Variants in PRRT1B observed in about 807,000 individuals in gnomAD.
PRRT1B encodes the protein proline rich transmembrane protein 1B, also known as dispanin subfamily D member 2.
At chr9:131,554,473 CTTGG>C (rs1458600090) in intron 1 of PRRT1B, 80 bp from the exon 2 acceptor site, 19 of 366,050 alleles carry the variant, frequency 5.2e-5, no homozygotes, top group African/African-American at 4.0e-4. Context: ...GGGCTGGGAG[CTTGG>C]TTCGTGGGAA....
At chr9:131,555,087 G>T in intron 2 of PRRT1B, 58 bp downstream of exon 2, 1 of 210,900 alleles carries the variant, frequency 4.7e-6, no homozygotes, top group Non-Finnish European at 7.8e-6. Flanking sequence ...GTGGTCGGGG[G>T]CGCCCGTGCG....
At chr9:131,547,738 C>T (rs569924056) in intron 1 of PRRT1B, among the ~76,000 whole-genome samples, 1 of 152,284 alleles carries the variant, frequency 6.6e-6, no homozygotes, top group Non-Finnish European at 1.5e-5. Context: ...GACCAACCAG[C>T]CCAAGGAACA....
At position 131,556,050 on chromosome 9, in the gene PRRT1B, CTGTGGCTCT is replaced by C; in HGVS notation, c.499-19_499-11del. On this transcript the variant is annotated splice_polypyrimidine_tract_variant and intron_variant, in intron 2 of 3. Coordinates refer to ENST00000636672, the Ensembl canonical transcript of PRRT1B. ...AGAGGCTGGGCCAGCTCCCTCACCA[CTGTGGCTCT>C]GCCCCCACAGTACAATGGCCCGATG... is the stretch of plus-strand genomic sequence containing the variant. The C allele has an allele frequency of 2.5e-6, 1 of 400,804 alleles. No individual in the cohort carries two copies. The highest frequency in any genetic ancestry group is 4.4e-6 in the Non-Finnish European group (1 of 226,392). The allele number at this position is 400,804 out of a possible 1,614,324, so 24.8% of individuals were successfully genotyped here. A position where few individuals can be genotyped will look rare whatever the true frequency, so the allele number is the denominator to read the frequency against.
intron 1 of PRRT1B, among the ~76,000 whole-genome samples, 169 bp from the exon 2 acceptor site, chr9:131,554,388 C>T (rs1157745987): frequency 6.6e-6 from 1 of 152,178 alleles, no homozygotes; most frequent in Admixed American, 6.5e-5. Flanking sequence ...TGTGTGACTC[C>T]AGCAAGGCAG....
chr9:131,554,491 C>T, intron 1 of PRRT1B, 66 bp from the exon 2 acceptor site: 1 of 370,060 alleles, frequency 2.7e-6, no homozygotes, highest in Non-Finnish European at 4.8e-6. Context: ...GTGGGAACTG[C>T]GGGACCAGCG....
chr9:131,556,211 G>A (rs1364663502), exon 3 of PRRT1B: 9 of 400,414 alleles, frequency 2.2e-5, no homozygotes, highest in Non-Finnish European at 4.0e-5. Context: ...CTACTCCCAC[G>A]AGGTAGGTGC....
At chr9:131,553,337 G>T (rs1158239371) in intron 1 of PRRT1B, among the ~76,000 whole-genome samples, 1 of 152,214 alleles carries the variant, frequency 6.6e-6, no homozygotes, top group East Asian at 1.9e-4. Flanking sequence ...TAAAGCTTCT[G>T]CTTACAAAAT....
chr9:131,554,524 C>T, intron 1 of PRRT1B, 33 bp from the exon 2 acceptor site: 1 of 389,810 alleles, frequency 2.6e-6, no homozygotes. Flanking sequence ...GCCCGGCGGC[C>T]TCTTGCTCAC....
chr9:131,559,170 G>C (rs954951060), downstream of PRRT1B, among the ~76,000 whole-genome samples: 1 of 152,196 alleles, frequency 6.6e-6, no homozygotes, highest in Non-Finnish European at 1.5e-5. Context: ...GAGGCCAGGC[G>C]AGGTGGCTCA....
Position 131,547,065 on chromosome 9 carries a change from C to CTTTTTTTTTTTT in PRRT1B, c.25+1438_25+1449dup, listed in dbSNP as rs549825970. Among the ~76,000 whole-genome samples the CTTTTTTTTTTTT allele has an allele frequency of 5.5e-4, 55 of 100,766 alleles. 5 individuals carry two copies. Among genetic ancestry groups the CTTTTTTTTTTTT allele is most frequent in the African/African-American group, 2.2e-3 (46 of 20,494 alleles). The allele number at this position is 100,766 out of a possible 152,430, so 66.1% of individuals were successfully genotyped here. On this transcript the variant is annotated intron_variant, in intron 1 of 3. Transcript: ENST00000636672. The stretch of plus-strand genomic sequence containing the variant: ...AGAGCAGAGCCTGGCCTCCTGTTCG[C>CTTTTTTTTTTTT]TTTTTTTTTTTTTTTTTTTTTTTTG...
At chr9:131,549,759 A>G in intron 1 of PRRT1B, among the ~76,000 whole-genome samples, 1 of 150,594 alleles carries the variant, frequency 6.6e-6, no homozygotes, top group Non-Finnish European at 1.5e-5. Flanking sequence ...ACCTCTTAAA[A>G]CTCCCCAACT....
At position 131,551,068 on chromosome 9, in the gene PRRT1B, G is replaced by A. The variant is rs1227668108; in HGVS notation, c.26-3489G>A. Reference sequence around the variant, plus strand: ...CGCCATTCTTCTGCCTCAGCCTCCCGAGTAGCTGGGACTACAGGCACCCGC... The same window carrying A: ...CGCCATTCTTCTGCCTCAGCCTCCCAAGTAGCTGGGACTACAGGCACCCGC... On this transcript the variant is annotated intron_variant, in intron 1 of 3. Transcript: ENST00000636672. The surrounding 1 kb of genome is among the most constrained non-coding windows in gnomAD (Gnocchi z 4.4). Among the ~76,000 whole-genome samples the A allele has an allele frequency of 4.0e-5, 6 of 148,212 alleles. No individual in the cohort carries two copies. Among genetic ancestry groups the A allele is most frequent in the Non-Finnish European group, 7.4e-5 (5 of 67,412 alleles).
chr9:131,554,032 T>C (rs1011424489), intron 1 of PRRT1B, among the ~76,000 whole-genome samples: 1 of 152,180 alleles, frequency 6.6e-6, no homozygotes, highest in Non-Finnish European at 1.5e-5. Flanking sequence ...TCAGTGTGCA[T>C]ATGGCCCTTA....
chr9:131,554,544 C>A lies in PRRT1B; in HGVS notation c.26-13C>A. The stretch of plus-strand genomic sequence containing the variant: ...GCGGCCTCTTGCTCACGACCGCTGC[C>A]ATTTCTTTCTAGGGTCCGACACGAA... On this transcript the variant is annotated splice_polypyrimidine_tract_variant and intron_variant, in intron 1 of 3. Coordinates refer to ENST00000636672, the Ensembl canonical transcript of PRRT1B. 1 of 394,216 alleles carries A rather than the reference C, an allele frequency of 2.5e-6. No homozygotes were observed. Among genetic ancestry groups the A allele is most frequent in the South Asian group, 1.3e-4 (1 of 7,814 alleles). 24.4% of individuals were successfully genotyped at this position (394,216 alleles called of 1,614,324 possible). A position where few individuals can be genotyped will look rare whatever the true frequency, so the allele number is the denominator to read the frequency against.
chr9:131,559,279 C>T (rs1951070179), downstream of PRRT1B, among the ~76,000 whole-genome samples: 1 of 152,178 alleles, frequency 6.6e-6, no homozygotes, highest in Non-Finnish European at 1.5e-5. Flanking sequence ...CCTGTCTCTA[C>T]TAAAAATACA....
Position 131,551,653 on chromosome 9 carries a change from C to T in PRRT1B, c.26-2904C>T, listed in dbSNP as rs1951013176. The stretch of plus-strand genomic sequence containing the variant: ...ACAAAAGAAGTGAAAATGGCCTGTT[C>T]CTGCCTTAACTGATGACATTACCTT... On this transcript the variant is annotated intron_variant, in intron 1 of 3. Coordinates refer to ENST00000636672, the Ensembl canonical transcript of PRRT1B. This position sits in a 1 kb window ranked among gnomAD's most constrained non-coding sequence, Gnocchi z 4.4. 6.6e-6 allele frequency among the ~76,000 whole-genome samples: 1 copy of T among 152,104 alleles called. No homozygotes were observed.
At chr9:131,546,475 G>C (rs1950975615) in intron 1 of PRRT1B, among the ~76,000 whole-genome samples, 2 of 152,130 alleles carry the variant, frequency 1.3e-5, no homozygotes, top group South Asian at 4.1e-4. Context: ...GGAAGCAGTG[G>C]GGCGGTGGCA....
chr9:131,550,653 C>T (rs1327482070), intron 1 of PRRT1B, among the ~76,000 whole-genome samples: 4 of 152,272 alleles, frequency 2.6e-5, no homozygotes, highest in South Asian at 2.1e-4. Context: ...GTCGGGACTG[C>T]GCCCCGTAGC....
chr9:131,549,911 C>G (rs1228088346), intron 1 of PRRT1B, among the ~76,000 whole-genome samples: 1 of 152,132 alleles, frequency 6.6e-6, no homozygotes, highest in Non-Finnish European at 1.5e-5. Context: ...TCCTGGACTA[C>G]AGCCACATCT....
Sources: allele counts gnomAD v4.1 joint callset (sites outside exome capture counted in the v4.1 genomes callset), GRCh38; gene constraint gnomAD v4.1.1; non-coding constraint Gnocchi (gnomAD v3.1); transcripts MANE v1.5; gene names NCBI Gene and HGNC (gene_info 2026-07-23, HGNC 2026-07-21).